RHBDD1: variants seen among roughly 807,000 people sequenced by gnomAD.
The protein encoded by RHBDD1 is rhomboid-related protein 4.
A neutral mutation model predicts 36.3 loss-of-function variants in RHBDD1; 38 were observed. The ratio of observed to expected loss-of-function variants is 1.05; its 90% CI spans 0.81 to 1.37. RHBDD1 has a LOEUF of 1.37. Ranked by LOEUF, RHBDD1 falls within the 40% of genes most tolerant of loss-of-function variation. The probability of loss-of-function intolerance (pLI) is 0.00; values close to 1 mark genes in which losing one functional copy is unlikely to be tolerated. For missense variants in RHBDD1, 393 were observed against 377.6 expected (o/e 1.04, Z -0.34); for synonymous variants, 151 against 136.5 (o/e 1.11, Z -0.74).
At chr2:226,852,271 C>T (rs988863422) in intron 3 of RHBDD1, among the ~76,000 whole-genome samples, 3 of 152,066 alleles carry the variant, frequency 2.0e-5, no homozygotes, top group Non-Finnish European at 2.9e-5. Context: ...TTTAAAGTTC[C>T]GTTTTTATAG....
intron 8 of RHBDD1, among the ~76,000 whole-genome samples, chr2:226,994,708 T>A (rs1189820389): frequency 6.6e-6 from 1 of 152,198 alleles, no homozygotes; most frequent in Non-Finnish European, 1.5e-5. Context: ...AAGGACTATG[T>A]ATTTTTCTCC....
At chr2:226,809,903 T>C in the RHBDD1 span, among the ~76,000 whole-genome samples, 4 of 152,126 alleles carry the variant, frequency 2.6e-5, no homozygotes, top group African/African-American at 9.7e-5. Flanking sequence ...AAATGTGAAA[T>C]AAAATCTTAT....
At chr2:226,993,217 C>T (rs558562150) in intron 8 of RHBDD1, among the ~76,000 whole-genome samples, 2 of 152,296 alleles carry the variant, frequency 1.3e-5, no homozygotes, top group South Asian at 2.1e-4. Context: ...TTTGAAGAAA[C>T]GCTAAAGAAA....
chr2:226,895,185 C>A (rs1358591496), intron 5 of RHBDD1, among the ~76,000 whole-genome samples: 1 of 152,198 alleles, frequency 6.6e-6, no homozygotes, highest in Non-Finnish European at 1.5e-5. Context: ...ACGCTTGTCA[C>A]AGTGGTGAAA....
chr2:226,915,228 G>A (rs1278307794), intron 8 of RHBDD1, among the ~76,000 whole-genome samples: 1 of 152,154 alleles, frequency 6.6e-6, no homozygotes, highest in Non-Finnish European at 1.5e-5. Flanking sequence ...TTTTCACAGA[G>A]GAGATAGCAT....
At chr2:226,807,818 G>C in the RHBDD1 span, among the ~76,000 whole-genome samples, 2 of 152,142 alleles carry the variant, frequency 1.3e-5, no homozygotes, top group Admixed American at 6.5e-5. Context: ...AGACACTCTG[G>C]GCTGGGCGCT....
the RHBDD1 span, among the ~76,000 whole-genome samples, chr2:226,821,864 T>C: frequency 6.6e-6 from 1 of 152,198 alleles, no homozygotes; most frequent in Admixed American, 6.5e-5. Flanking sequence ...ATCTTTGATT[T>C]TTTTCTAATA....
intron 7 of RHBDD1, among the ~76,000 whole-genome samples, chr2:226,910,873 G>A (rs570989855): frequency 6.6e-6 from 1 of 152,144 alleles, no homozygotes; most frequent in Admixed American, 6.5e-5. Context: ...GAGATTTTGG[G>A]TCCTGTTGAT....
At chr2:226,866,196 G>A (rs777913424) in intron 4 of RHBDD1, among the ~76,000 whole-genome samples, 54 of 152,064 alleles carry the variant, frequency 3.6e-4, no homozygotes, top group Non-Finnish European at 5.6e-4. Context: ...ACAGCCTCCC[G>A]AGTAGCTGGG....
chr2:226,923,484 T>C lies in RHBDD1; in HGVS notation c.856+9133T>C, dbSNP rs566863824. 2.0e-5 allele frequency among the ~76,000 whole-genome samples: 3 copies of C among 152,292 alleles called. No homozygotes were observed. In the South Asian group the frequency reaches 6.2e-4, roughly 32 times the overall value. ...GACTTTTGGGAGTTTGATTATTAAA[T>C]GTCTTGAGGTAGTCTTATTTGGGTC... On this transcript the variant is annotated intron_variant, in intron 8 of 8. Transcript: ENST00000392062.
chr2:226,894,752 G>C (rs1946962314), intron 5 of RHBDD1, among the ~76,000 whole-genome samples: 1 of 152,172 alleles, frequency 6.6e-6, no homozygotes, highest in Non-Finnish European at 1.5e-5. Flanking sequence ...AGGTGGTATT[G>C]GGTGTGATTG....
intron 8 of RHBDD1, among the ~76,000 whole-genome samples, chr2:226,990,792 TC>T (rs1212512002): frequency 1.1e-4 from 17 of 152,300 alleles, no homozygotes; most frequent in African/African-American, 3.6e-4. Context: ...TTCCTGAGGT[TC>T]TTTGAAGCAT....
At chr2:226,941,805 C>T (rs1030962077) in intron 8 of RHBDD1, among the ~76,000 whole-genome samples, 3 of 152,152 alleles carry the variant, frequency 2.0e-5, no homozygotes, top group East Asian at 1.9e-4. Flanking sequence ...ACACAGGCAC[C>T]TAGAGGAAAG....
At chr2:226,919,331 G>T (rs917105748) in intron 8 of RHBDD1, among the ~76,000 whole-genome samples, 2 of 151,922 alleles carry the variant, frequency 1.3e-5, no homozygotes, top group Non-Finnish European at 2.9e-5. Context: ...AACATGGTGT[G>T]ATCCCATTTG....
chr2:226,865,552 G>A (rs559779014), intron 4 of RHBDD1, among the ~76,000 whole-genome samples: 1 of 152,280 alleles, frequency 6.6e-6, no homozygotes, highest in African/African-American at 2.4e-5. Context: ...AGTTACATGA[G>A]GCAGATTTAG....
chr2:226,831,780 G>T (rs955321905), upstream of RHBDD1, among the ~76,000 whole-genome samples: 2 of 151,106 alleles, frequency 1.3e-5, no homozygotes, highest in African/African-American at 4.9e-5. Context: ...TTGGCAATTT[G>T]TGTCTGTCTA....
At chr2:226,953,219 A>T (rs938357978) in intron 8 of RHBDD1, among the ~76,000 whole-genome samples, 2 of 151,548 alleles carry the variant, frequency 1.3e-5, no homozygotes, top group South Asian at 4.2e-4. Flanking sequence ...GAGGAATGAA[A>T]TTTTTTTTTC....
chr2:226,921,668 T>C (rs1949324598), intron 8 of RHBDD1, among the ~76,000 whole-genome samples: 2 of 152,258 alleles, frequency 1.3e-5, no homozygotes, highest in Middle Eastern at 3.2e-3. Context: ...TAGTGATTTC[T>C]AATCTTATTC....
intron 8 of RHBDD1, among the ~76,000 whole-genome samples, chr2:226,945,904 G>A (rs189933744): frequency 5.8e-4 from 89 of 152,194 alleles, no homozygotes; most frequent in Non-Finnish European, 9.1e-4. Context: ...TCTAATGACC[G>A]GTGATAAGGT....
Sources: allele counts gnomAD v4.1 joint callset (sites outside exome capture counted in the v4.1 genomes callset), GRCh38; gene constraint gnomAD v4.1.1; transcripts MANE v1.5; gene names NCBI Gene and HGNC (gene_info 2026-07-23, HGNC 2026-07-21).